The following C1orf141 variants were observed in gnomAD, a reference collection of about 807,000 sequenced individuals.
C1orf141 encodes chromosome 1 open reading frame 141, also known as uncharacterized protein C1orf141.
C1orf141 carries 19 observed loss-of-function variants against 23.2 expected under a neutral mutation model. The observed-to-expected ratio is 0.82, with a 90% CI of 0.57 to 1.20. The LOEUF (loss-of-function observed/expected upper bound fraction) is 1.20. Among genes scored for constraint, C1orf141 ranks in the 50% most tolerant of loss-of-function variants. The pLI, the probability that C1orf141 is intolerant of heterozygous loss-of-function variation, is 0.00. For synonymous variants in C1orf141, 153 were observed against 154.6 expected (o/e 0.99, Z 0.08); for missense variants, 469 against 455.1 (o/e 1.03, Z -0.28).
Position 67,115,471 on chromosome 1 carries a change from G to T in C1orf141, c.234-7C>A. On this transcript the variant is annotated splice_region_variant and splice_polypyrimidine_tract_variant and intron_variant, in intron 4 of 7. Coordinates refer to ENST00000684719, the MANE Select transcript of C1orf141 (RefSeq NM_001276351.2). The stretch of plus-strand genomic sequence containing the variant: ...ACATTTGAAAGAGACATGCCTGGAA[G>T]AAATAAAAATTAATTTAAATTAAAA... 1.8e-6 allele frequency: 2 copies of T among 1,092,756 alleles called. No homozygotes were observed. Among genetic ancestry groups the T allele is most frequent in the Non-Finnish European group, 2.6e-6 (2 of 755,478 alleles). 67.7% of individuals were successfully genotyped at this position (1,092,756 alleles called of 1,614,324 possible).
At chr1:67,109,326 C>CAA (rs58157985) in intron 5 of C1orf141, among the ~76,000 whole-genome samples, 31 of 83,422 alleles carry the variant, frequency 3.7e-4, no homozygotes, top group African/African-American at 9.9e-4. Flanking sequence ...GACTCCGTCT[C>CAA]AAAAAAAAAA....
At chr1:67,100,882 G>C (rs1205635147) in intron 5 of C1orf141, among the ~76,000 whole-genome samples, 1 of 152,180 alleles carries the variant, frequency 6.6e-6, no homozygotes, top group Admixed American at 6.5e-5. Flanking sequence ...AAGGAAGCTG[G>C]AGCCCTGGAA....
chr1:67,102,992 A>G (rs995381786), intron 5 of C1orf141, among the ~76,000 whole-genome samples: 23 of 152,310 alleles, frequency 1.5e-4, no homozygotes, highest in African/African-American at 5.5e-4. Flanking sequence ...TTAAGCATAG[A>G]CAACAGACAA....
At chr1:67,095,513 C>T in intron 6 of C1orf141, 92 bp from the exon 7 acceptor site, 2 of 686,986 alleles carry the variant, frequency 2.9e-6, no homozygotes, top group East Asian at 2.8e-5. Context: ...GAAGTCACTG[C>T]CAACTTCTGC....
At chr1:67,138,670 C>T (rs751794420), upstream of C1orf141, among the ~76,000 whole-genome samples, 2 of 152,190 alleles carry the variant, frequency 1.3e-5, no homozygotes, top group Non-Finnish European at 2.9e-5. Flanking sequence ...GATTGTCTTT[C>T]TAGCTTTATC....
upstream of C1orf141, among the ~76,000 whole-genome samples, chr1:67,135,628 C>T (rs1402311533): frequency 6.6e-6 from 1 of 152,030 alleles, no homozygotes. Flanking sequence ...GCAGAAAATG[C>T]ACTAAGGCCA....
At chr1:67,119,053 G>A (rs1558199693) in intron 4 of C1orf141, among the ~76,000 whole-genome samples, 1 of 152,208 alleles carries the variant, frequency 6.6e-6, no homozygotes, top group Non-Finnish European at 1.5e-5. Context: ...TTTGTTAATG[G>A]GTAGAGGCTG....
At chr1:67,107,310 G>C (rs1434753772) in intron 5 of C1orf141, among the ~76,000 whole-genome samples, 1 of 151,928 alleles carries the variant, frequency 6.6e-6, no homozygotes, top group African/African-American at 2.4e-5. Flanking sequence ...CCAAAGAAAG[G>C]CAGGAAAGAA....
intron 5 of C1orf141, among the ~76,000 whole-genome samples, chr1:67,114,562 T>C (rs566840820): frequency 1.4e-4 from 21 of 152,296 alleles, no homozygotes; most frequent in African/African-American, 4.6e-4. Flanking sequence ...TTGATGAGAA[T>C]TATGCAATTG....
intron 1 of C1orf141, among the ~76,000 whole-genome samples, chr1:67,131,878 G>A (rs1196263193): frequency 1.4e-5 from 2 of 145,432 alleles, no homozygotes; most frequent in Non-Finnish European, 1.5e-5. Context: ...TCCACCTCCC[G>A]GGTTCAAGTG....
chr1:67,095,316 C>T lies in C1orf141; in HGVS notation c.522G>A (p.Pro174=), dbSNP rs138996465. Residue 174 remains proline (P), a synonymous_variant, in exon 7 of 8, where the codon CCG becomes CCA. Transcript: ENST00000684719. ...TTTTCAATTCATCCTCAAAGCACAA[C>T]GGGAGCAAGCTTTTCTTTCTTACTG... ...YRSVRKKSLL[P]LCFEDELKNP... 55 of 1,605,566 alleles carry T rather than the reference C, an allele frequency of 3.4e-5. No homozygotes were observed. The highest frequency in any genetic ancestry group is 3.3e-4 in the Middle Eastern group (2 of 6,044).
In C1orf141 at chr1:67,092,677, C is replaced by T. The variant is rs41313274; in HGVS notation, c.*328G>A. 12,376 of 173,664 alleles carry T rather than the reference C, an allele frequency of 0.071. 543 individuals are homozygous for T. Among genetic ancestry groups the T allele is most frequent in the South Asian group, 0.13 (847 of 6,758 alleles). 10.8% of individuals were successfully genotyped at this position (173,664 alleles called of 1,614,324 possible). A position where few individuals can be genotyped will look rare whatever the true frequency, so the allele number is the denominator to read the frequency against. On this transcript the variant is annotated 3_prime_UTR_variant, in exon 8 of 8. Coordinates refer to ENST00000684719, the MANE Select transcript of C1orf141 (RefSeq NM_001276351.2). ...ATTGATGTTATTTGGCTTCCAACAG[C>T]GCATTTCCAGAGTCAGACTATGCCT...
intron 4 of C1orf141, among the ~76,000 whole-genome samples, chr1:67,118,655 T>C (rs963038943): frequency 1.3e-5 from 2 of 152,196 alleles, no homozygotes; most frequent in Non-Finnish European, 2.9e-5. Flanking sequence ...TCTAACGTTA[T>C]GGTATTTGGA....
chr1:67,135,746 G>A (rs927662684), upstream of C1orf141, among the ~76,000 whole-genome samples: 1 of 151,968 alleles, frequency 6.6e-6, no homozygotes, highest in South Asian at 2.1e-4. Flanking sequence ...TACATTTTAA[G>A]TCAGGGGTTG....
chr1:67,095,511 T>A, intron 6 of C1orf141, 90 bp from the exon 7 acceptor site: 1 of 687,018 alleles, frequency 1.5e-6, no homozygotes, highest in Non-Finnish European at 2.3e-6. Flanking sequence ...TGGAAGTCAC[T>A]GCCAACTTCT....
chr1:67,099,652 A>C (rs990882945), intron 5 of C1orf141, among the ~76,000 whole-genome samples: 5 of 152,122 alleles, frequency 3.3e-5, no homozygotes, highest in African/African-American at 9.7e-5. Flanking sequence ...GGTGGTGCAC[A>C]CCTGTAATCC....
chr1:67,137,713 T>C (rs1196371172), upstream of C1orf141, among the ~76,000 whole-genome samples: 2 of 152,194 alleles, frequency 1.3e-5, no homozygotes, highest in Non-Finnish European at 2.9e-5. Context: ...AGGCATAACA[T>C]TCCTAGGGCC....
At chr1:67,100,481 C>T (rs60710740) in intron 5 of C1orf141, among the ~76,000 whole-genome samples, 15,307 of 152,124 alleles carry the variant, frequency 0.1, 1,223 homozygotes, top group African/African-American at 0.22. Context: ...TTATCTTTTA[C>T]ATTTCCAAAT....
chr1:67,125,648 A>T (rs1646392264), intron 4 of C1orf141, 104 bp downstream of exon 4: 1 of 1,113,936 alleles, frequency 9.0e-7, no homozygotes, highest in Non-Finnish European at 1.4e-6. Flanking sequence ...GCAGTGAGCC[A>T]TGTTTGCACC....
Sources: gnomAD v4.1 joint callset for allele counts (sites outside exome capture counted in the v4.1 genomes callset) on GRCh38, gnomAD v4.1.1 for gene constraint, MANE v1.5 for transcripts, NCBI Gene and HGNC (gene_info 2026-07-23, HGNC 2026-07-21) for gene names.